The following EYS variants were observed in gnomAD, a reference collection of about 807,000 sequenced individuals.
EYS encodes the protein EGF-like photoreceptor maintenance factor, also known as protein eyes shut homolog.
Under a neutral mutation model 282.1 loss-of-function variants are expected in EYS, and 250 were observed. The observed-to-expected ratio is 0.89, with a 90% CI of 0.80 to 0.98. The LOEUF (loss-of-function observed/expected upper bound fraction) is 0.98, where lower values mean the gene tolerates loss of function less well. Among genes scored for constraint, EYS ranks in the 50% least tolerant of loss-of-function variants. The pLI, the probability that EYS is intolerant of heterozygous loss-of-function variation, is 0.00. For synonymous variants in EYS, 1,355 were observed against 1,282.9 expected (o/e 1.06, Z -1.20); for missense variants, 4,016 against 3,709.0 (o/e 1.08, Z -2.15).
At chr6:65,694,163 CAGG>C (rs1769348009) in intron 1 of EYS, among the ~76,000 whole-genome samples, 1 of 150,136 alleles carries the variant, frequency 6.7e-6, no homozygotes, top group South Asian at 2.1e-4. Context: ...GAGGCTGAGG[CAGG>C]AGAATTGCTT....
chr6:64,411,914 T>C (rs1258978802), intron 28 of EYS, among the ~76,000 whole-genome samples: 1 of 151,510 alleles, frequency 6.6e-6, no homozygotes, highest in African/African-American at 2.4e-5. Flanking sequence ...TATGTTTATA[T>C]ATGCATGCAT....
At chr6:65,147,800 C>T (rs1041722023) in intron 12 of EYS, among the ~76,000 whole-genome samples, 8 of 152,036 alleles carry the variant, frequency 5.3e-5, no homozygotes, top group South Asian at 2.1e-4. Context: ...CCCACAGTTC[C>T]GCATGACTGG....
intron 14 of EYS, among the ~76,000 whole-genome samples, chr6:64,946,223 T>G (rs1433819724): frequency 6.6e-6 from 1 of 152,014 alleles, no homozygotes; most frequent in Non-Finnish European, 1.5e-5. Flanking sequence ...AAAAATAGCA[T>G]GTTAGTCATA....
At chr6:64,578,460 T>G (rs1430170063) in intron 26 of EYS, among the ~76,000 whole-genome samples, 1 of 152,180 alleles carries the variant, frequency 6.6e-6, no homozygotes, top group East Asian at 1.9e-4. Flanking sequence ...CCTCTTCAAG[T>G]TGTCTTCGTC....
At chr6:64,893,669 A>C (rs1489850273) in intron 18 of EYS, among the ~76,000 whole-genome samples, 2 of 152,060 alleles carry the variant, frequency 1.3e-5, no homozygotes, top group Non-Finnish European at 2.9e-5. Flanking sequence ...AATTTACACC[A>C]GGTAATTTTC....
At chr6:64,200,795 C>A (rs919856299) in intron 31 of EYS, among the ~76,000 whole-genome samples, 2 of 151,994 alleles carry the variant, frequency 1.3e-5, no homozygotes, top group African/African-American at 4.8e-5. Flanking sequence ...TTTAAGAGGT[C>A]CACTCCCTCA....
At chr6:64,483,344 G>T (rs1562019588) in intron 26 of EYS, among the ~76,000 whole-genome samples, 1 of 151,656 alleles carries the variant, frequency 6.6e-6, no homozygotes, top group Non-Finnish European at 1.5e-5. Context: ...CAAAAATGTG[G>T]CTGAGGATAT....
intron 35 of EYS, among the ~76,000 whole-genome samples, chr6:63,928,382 T>C (rs1434422154): frequency 6.6e-6 from 1 of 152,180 alleles, no homozygotes; most frequent in Non-Finnish European, 1.5e-5. Context: ...AAGGCAAATA[T>C]TTTTGTATGT....
intron 12 of EYS, among the ~76,000 whole-genome samples, chr6:65,233,954 G>A (rs1766854963): frequency 6.6e-6 from 1 of 152,084 alleles, no homozygotes; most frequent in Admixed American, 6.6e-5. Flanking sequence ...CCTTCCAGAA[G>A]CCCTGAGTTG....
chr6:64,219,502 A>G (rs1244887061), intron 31 of EYS, among the ~76,000 whole-genome samples: 1 of 152,196 alleles, frequency 6.6e-6, no homozygotes, highest in Non-Finnish European at 1.5e-5. Flanking sequence ...TTTGTTAAGA[A>G]AGAATTTTTA....
chr6:65,366,543 T>G (rs1764919952), intron 8 of EYS, among the ~76,000 whole-genome samples: 1 of 151,754 alleles, frequency 6.6e-6, no homozygotes, highest in South Asian at 2.1e-4. Flanking sequence ...ACATTCAAAT[T>G]TATGTGTTCA....
chr6:65,228,310 T>C (rs1766681468), intron 12 of EYS, among the ~76,000 whole-genome samples: 1 of 152,086 alleles, frequency 6.6e-6, no homozygotes, highest in Non-Finnish European at 1.5e-5. Flanking sequence ...AATATCCTAC[T>C]AAATCTATTA....
chr6:65,568,659 G>A (rs1408551856), intron 2 of EYS, among the ~76,000 whole-genome samples: 1 of 152,140 alleles, frequency 6.6e-6, no homozygotes, highest in Non-Finnish European at 1.5e-5. Flanking sequence ...ATGTAGTCAT[G>A]TCCTCCAAGC....
At chr6:63,724,628 C>T (rs796080073) in intron 42 of EYS, among the ~76,000 whole-genome samples, 30 of 151,564 alleles carry the variant, frequency 2.0e-4, no homozygotes, top group African/African-American at 7.0e-4. Context: ...GAAAAGGGAC[C>T]AGAGTCTTAT....
chr6:64,190,417 G>C (rs1200569147), intron 31 of EYS, among the ~76,000 whole-genome samples: 2 of 152,144 alleles, frequency 1.3e-5, no homozygotes, highest in East Asian at 3.9e-4. Flanking sequence ...AAGCAGTTAG[G>C]ATGTAGCACA....
intron 35 of EYS, among the ~76,000 whole-genome samples, chr6:63,871,565 G>A (rs1772805741): frequency 1.3e-5 from 2 of 152,120 alleles, no homozygotes; most frequent in African/African-American, 4.8e-5. Flanking sequence ...AGGAGGCTGA[G>A]GTGGGAGAAT....
chr6:64,023,520 T>C (rs1769294902), intron 33 of EYS, among the ~76,000 whole-genome samples: 1 of 152,244 alleles, frequency 6.6e-6, no homozygotes, highest in South Asian at 2.1e-4. Context: ...AATGGCATGG[T>C]CTCGATTTTT....
chr6:65,380,089 C>T (rs905337980), intron 8 of EYS, among the ~76,000 whole-genome samples: 11 of 151,874 alleles, frequency 7.2e-5, no homozygotes, highest in Non-Finnish European at 1.2e-4. Flanking sequence ...AATCTTCCAT[C>T]GACTTTCTTC....
At chr6:65,058,406 C>T (rs1773477748) in intron 12 of EYS, among the ~76,000 whole-genome samples, 1 of 152,034 alleles carries the variant, frequency 6.6e-6, no homozygotes. Context: ...CCACTTTGGC[C>T]TCCCAAAGCG....
Sources: gnomAD v4.1 joint callset for allele counts (sites outside exome capture counted in the v4.1 genomes callset) on GRCh38, gnomAD v4.1.1 for gene constraint, MANE v1.5 for transcripts, NCBI Gene and HGNC (gene_info 2026-07-23, HGNC 2026-07-21) for gene names.